Variants in ADARB2 observed in about 807,000 individuals in gnomAD.
ADARB2 encodes adenosine deaminase RNA specific B2 (inactive).
In ADARB2, 25 loss-of-function variants were observed where a neutral mutation model predicts 62.2. That is an observed-to-expected ratio of 0.40 (90% CI 0.29 to 0.56). The LOEUF is 0.56. Ranked by LOEUF, ADARB2 falls within the 20% of genes least tolerant of loss-of-function variation. ADARB2 has a pLI of 0.43. For missense variants in ADARB2, 1,071 were observed against 1,077.4 expected, an observed-to-expected ratio of 0.99 and a Z score of 0.08; for synonymous variants, 572 against 500.8, an observed-to-expected ratio of 1.14 and a Z score of -1.90.
intron 1 of ADARB2, among the ~76,000 whole-genome samples, chr10:1,602,687 C>A (rs1421435549): frequency 2.3e-5 from 1 of 44,276 alleles, no homozygotes; most frequent in Non-Finnish European, 5.0e-5. Flanking sequence ...TGCACACACA[C>A]CTGTACATAC....
At chr10:1,500,406 T>C (rs1006925653) in intron 1 of ADARB2, among the ~76,000 whole-genome samples, 2 of 152,240 alleles carry the variant, frequency 1.3e-5, no homozygotes, top group African/African-American at 4.8e-5. Context: ...TTTGAAGCAA[T>C]TATTCCAGTA....
At chr10:1,186,853 G>A (rs1259413316) in intron 8 of ADARB2, among the ~76,000 whole-genome samples, 1 of 152,244 alleles carries the variant, frequency 6.6e-6, no homozygotes, top group African/African-American at 2.4e-5. Flanking sequence ...TCCCGCCATA[G>A]CAGACTCCCG....
intron 1 of ADARB2, among the ~76,000 whole-genome samples, chr10:1,579,986 C>T (rs1017539631): frequency 3.3e-5 from 5 of 152,224 alleles, no homozygotes; most frequent in Admixed American, 3.3e-4. Context: ...TTAGTTATCC[C>T]TGTTCACGAA....
At chr10:1,646,697 C>A (rs142528630) in intron 1 of ADARB2, among the ~76,000 whole-genome samples, 5 of 152,354 alleles carry the variant, frequency 3.3e-5, no homozygotes, top group African/African-American at 1.2e-4. Flanking sequence ...TGCTCTTCAC[C>A]ATTTTGCTAT....
chr10:1,640,882 G>A (rs1393990395), intron 1 of ADARB2, among the ~76,000 whole-genome samples: 1 of 152,202 alleles, frequency 6.6e-6, no homozygotes, highest in East Asian at 1.9e-4. Context: ...CTTAGGGTGA[G>A]ATGGTGAGGT....
At chr10:1,593,334 C>G (rs1833287319) in intron 1 of ADARB2, among the ~76,000 whole-genome samples, 1 of 148,820 alleles carries the variant, frequency 6.7e-6, no homozygotes, top group Non-Finnish European at 1.5e-5. Flanking sequence ...CTCCCCTGGC[C>G]CAAACCACAC....
chr10:1,618,782 T>C (rs1036769011), intron 1 of ADARB2, among the ~76,000 whole-genome samples: 5 of 152,230 alleles, frequency 3.3e-5, no homozygotes, highest in Admixed American at 2.6e-4. Flanking sequence ...AGTATTGTTT[T>C]GTTGGAGAGA....
chr10:1,578,864 A>T (rs1165352683), intron 1 of ADARB2, among the ~76,000 whole-genome samples: 5 of 151,928 alleles, frequency 3.3e-5, no homozygotes, highest in African/African-American at 1.2e-4. Context: ...GCCCACACTC[A>T]TGCATTCTCC....
chr10:1,276,996 CT>C (rs1318773609), intron 3 of ADARB2, among the ~76,000 whole-genome samples: 1 of 152,172 alleles, frequency 6.6e-6, no homozygotes, highest in African/African-American at 2.4e-5. Flanking sequence ...CAACCTGCTC[CT>C]GAATGACTAC....
At chr10:1,453,033 TGTC>T (rs1422040164) in intron 1 of ADARB2, among the ~76,000 whole-genome samples, 7 of 152,172 alleles carry the variant, frequency 4.6e-5, no homozygotes, top group Non-Finnish European at 8.8e-5. Context: ...CCACTGCTGC[TGTC>T]ATTGGGGCCA....
At chr10:1,316,418 G>A (rs1831740378) in intron 3 of ADARB2, among the ~76,000 whole-genome samples, 1 of 152,250 alleles carries the variant, frequency 6.6e-6, no homozygotes, top group African/African-American at 2.4e-5. Flanking sequence ...CAGGACTCCT[G>A]TGAGTGGCAA....
chr10:1,643,603 G>C (rs1834002741), intron 1 of ADARB2, among the ~76,000 whole-genome samples: 1 of 152,196 alleles, frequency 6.6e-6, no homozygotes, highest in South Asian at 2.1e-4. Context: ...CATGACCTGG[G>C]AGAGGCCAGG....
At position 1,477,413 on chromosome 10, in the gene ADARB2, C is replaced by G. The variant is rs1423079890; in HGVS notation, c.101-98253G>C. Among the ~76,000 whole-genome samples the G allele has an allele frequency of 1.3e-5, 2 of 152,200 alleles. No homozygotes were observed. Among genetic ancestry groups the G allele is most frequent in the Admixed American group, 6.5e-5 (1 of 15,272 alleles). On this transcript the variant is annotated intron_variant, in intron 1 of 9. Transcript: ENST00000381312. This position sits in a 1 kb window ranked among gnomAD's most constrained non-coding sequence, Gnocchi z 4.5. ...GCCCATGGCCCCCTCCAGCATGACC[C>G]TATACAGCTTCCTTCCAGCCCTGCT...
chr10:1,628,889 C>G (rs1833806728), intron 1 of ADARB2, among the ~76,000 whole-genome samples: 1 of 152,270 alleles, frequency 6.6e-6, no homozygotes, highest in African/African-American at 2.4e-5. Context: ...GTCGTGACCA[C>G]TGGAGGGGCC....
chr10:1,346,821 G>C (rs1203899024), intron 3 of ADARB2, among the ~76,000 whole-genome samples: 4 of 152,200 alleles, frequency 2.6e-5, no homozygotes, highest in Admixed American at 6.5e-5. Flanking sequence ...CCATTGGTTT[G>C]GAAAGCTAGA....
chr10:1,529,678 C>T (rs1832196269), intron 1 of ADARB2, among the ~76,000 whole-genome samples: 1 of 152,188 alleles, frequency 6.6e-6, no homozygotes, highest in African/African-American at 2.4e-5. Context: ...CCCTGCAACT[C>T]AGTAGCTTCC....
At chr10:1,737,026 G>C in intron 1 of ADARB2, 25 bp downstream of exon 1, 2 of 1,607,106 alleles carry the variant, frequency 1.2e-6, no homozygotes, top group Non-Finnish European at 1.7e-6. Context: ...GGGGGGCAGG[G>C]GCCGGCGCGC....
intron 1 of ADARB2, among the ~76,000 whole-genome samples, chr10:1,613,030 C>T (rs1444370001): frequency 6.6e-6 from 1 of 152,236 alleles, no homozygotes; most frequent in East Asian, 1.9e-4. Flanking sequence ...TTACAGCCCA[C>T]ATGAATTGAA....
At chr10:1,626,709 G>T (rs886615615) in intron 1 of ADARB2, among the ~76,000 whole-genome samples, 9 of 152,196 alleles carry the variant, frequency 5.9e-5, no homozygotes, top group African/African-American at 1.9e-4. Context: ...AGGGAAGGTG[G>T]CTACACACGT....
Sources: gnomAD v4.1 joint callset for allele counts (sites outside exome capture counted in the v4.1 genomes callset) on GRCh38, gnomAD v4.1.1 for gene constraint, Gnocchi (gnomAD v3.1) non-coding constraint, MANE v1.5 for transcripts, NCBI Gene and HGNC (gene_info 2026-07-23, HGNC 2026-07-21) for gene names.